FRMD4A: variants seen among roughly 807,000 people sequenced by gnomAD.
FRMD4A encodes FERM domain-containing protein 4A.
In FRMD4A, 29 loss-of-function variants were observed where a neutral mutation model predicts 129.1. The observed-to-expected ratio is 0.22, with a 90% CI of 0.17 to 0.31. The LOEUF (loss-of-function observed/expected upper bound fraction) is 0.31, where lower values mean the gene tolerates loss of function less well. FRMD4A is among the 10% of genes least tolerant of loss of function. The pLI is 1.00. For synonymous variants in FRMD4A, 634 were observed against 571.6 expected (o/e 1.11, Z -1.56); for missense variants, 1,272 against 1,375.8 (o/e 0.92, Z 1.19).
At chr10:14,293,848 A>G (rs1269677174) in intron 2 of FRMD4A, among the ~76,000 whole-genome samples, 11 of 152,272 alleles carry the variant, frequency 7.2e-5, no homozygotes, top group Admixed American at 1.3e-4. Context: ...ATGTTTATCA[A>G]CGGTAGACTG....
intron 2 of FRMD4A, among the ~76,000 whole-genome samples, chr10:13,873,425 C>T (rs1413432348): frequency 6.6e-6 from 1 of 152,126 alleles, no homozygotes; most frequent in Admixed American, 6.5e-5. Flanking sequence ...CTGGAGAACT[C>T]GCAAAGGAGA....
chr10:13,808,140 G>T (rs1174875633), intron 4 of FRMD4A, among the ~76,000 whole-genome samples: 1 of 152,176 alleles, frequency 6.6e-6, no homozygotes, highest in Non-Finnish European at 1.5e-5. Context: ...CATGCTGCTG[G>T]TAAGAGTATC....
intron 2 of FRMD4A, among the ~76,000 whole-genome samples, chr10:14,226,823 T>C (rs180765410): frequency 6.6e-6 from 1 of 152,270 alleles, no homozygotes; most frequent in East Asian, 1.9e-4. Flanking sequence ...CATCATTCCT[T>C]CTTGCCTGTC....
chr10:13,849,200 C>G (rs1158487326), intron 3 of FRMD4A, among the ~76,000 whole-genome samples: 4 of 152,194 alleles, frequency 2.6e-5, no homozygotes, highest in African/African-American at 9.6e-5. Context: ...AGGTCCCGGA[C>G]AGAAGGTTCA....
At chr10:14,016,868 C>A (rs925737665) in intron 2 of FRMD4A, among the ~76,000 whole-genome samples, 3 of 152,202 alleles carry the variant, frequency 2.0e-5, no homozygotes, top group African/African-American at 7.2e-5. Context: ...GAAGATTTGT[C>A]GGTATCTGTG....
intron 13 of FRMD4A, among the ~76,000 whole-genome samples, chr10:13,703,040 A>C (rs532481008): frequency 1.3e-5 from 2 of 152,142 alleles, no homozygotes; most frequent in East Asian, 3.9e-4. Flanking sequence ...GAAAACAGGG[A>C]TCTGTGCTCC....
At chr10:14,089,637 AAAC>A (rs1354313660) in intron 2 of FRMD4A, among the ~76,000 whole-genome samples, 5 of 129,928 alleles carry the variant, frequency 3.8e-5, no homozygotes, top group East Asian at 3.0e-4. Context: ...AAACAAAAAA[AAAC>A]AAACAAAAAA....
At chr10:14,071,533 A>G (rs1269988138) in intron 2 of FRMD4A, among the ~76,000 whole-genome samples, 1 of 152,226 alleles carries the variant, frequency 6.6e-6, no homozygotes, top group African/African-American at 2.4e-5. Flanking sequence ...AAAACATTTT[A>G]TATAAAGAAA....
intron 2 of FRMD4A, among the ~76,000 whole-genome samples, chr10:13,882,742 A>T (rs976001040): frequency 6.6e-6 from 1 of 152,000 alleles, no homozygotes; most frequent in African/African-American, 2.4e-5. Flanking sequence ...CTACAAATGA[A>T]CACTGGTGTA....
chr10:13,894,898 C>T lies in FRMD4A; in HGVS notation c.46-35986G>A, dbSNP rs560330659. 2.6e-5 allele frequency among the ~76,000 whole-genome samples: 4 copies of T among 152,334 alleles called. No individual in the cohort carries two copies. The East Asian group carries it at 7.7e-4, about 29-fold the overall frequency. ...CCTGGGCTTGAATCTTGCCTGGCCA[C>T]CCACTAGCTGTGCAAGCTTAGGCAA... On this transcript the variant is annotated intron_variant, in intron 2 of 24. Transcript: ENST00000357447.
At chr10:14,192,624 T>G (rs1842352550) in intron 2 of FRMD4A, among the ~76,000 whole-genome samples, 1 of 152,190 alleles carries the variant, frequency 6.6e-6, no homozygotes, top group South Asian at 2.1e-4. Context: ...TATTTTCATC[T>G]CCTCCTTAAA....
chr10:13,712,509 A>C (rs1198640060), intron 12 of FRMD4A, among the ~76,000 whole-genome samples: 1 of 151,016 alleles, frequency 6.6e-6, no homozygotes, highest in East Asian at 1.9e-4. Context: ...GTGAGACTCC[A>C]TTTCAAAAAA....
intron 2 of FRMD4A, among the ~76,000 whole-genome samples, chr10:14,241,947 A>G (rs1844063821): frequency 6.6e-6 from 1 of 152,034 alleles, no homozygotes; most frequent in Non-Finnish European, 1.5e-5. Context: ...ATCACCACCA[A>G]GCTGCTTTGC....
At position 14,166,945 on chromosome 10, in the gene FRMD4A, C is replaced by T. The variant is rs148491131; in HGVS notation, c.45+163113G>A. On this transcript the variant is annotated intron_variant, in intron 2 of 24. Transcript: ENST00000357447. The stretch of plus-strand genomic sequence containing the variant: ...GAAGGCCCTATATTTCTGTACCATG[C>T]TATGTACTAGGCTTAAAAGGATGAA... 1.6e-3 allele frequency among the ~76,000 whole-genome samples: 246 copies of T among 152,266 alleles called. 1 individual carries two copies. Among genetic ancestry groups the T allele is most frequent in the African/African-American group, 5.2e-3 (218 of 41,558 alleles).
intron 2 of FRMD4A, among the ~76,000 whole-genome samples, chr10:13,928,610 T>C (rs1241350532): frequency 6.6e-6 from 1 of 152,196 alleles, no homozygotes; most frequent in Non-Finnish European, 1.5e-5. Context: ...CAGTGATAAA[T>C]GGAGATCATA....
chr10:13,703,047 C>T (rs2087020421), intron 13 of FRMD4A, among the ~76,000 whole-genome samples: 1 of 152,144 alleles, frequency 6.6e-6, no homozygotes, highest in Non-Finnish European at 1.5e-5. Flanking sequence ...GGGATCTGTG[C>T]TCCCAGCTTG....
chr10:14,309,970 A>G (rs7071346), intron 2 of FRMD4A, among the ~76,000 whole-genome samples: 131 of 141,438 alleles, frequency 9.3e-4, no homozygotes, highest in African/African-American at 3.4e-3. Flanking sequence ...AACCCCCAGC[A>G]AGACTGGCCG....
intron 2 of FRMD4A, among the ~76,000 whole-genome samples, chr10:13,998,409 C>T (rs1408200244): frequency 6.6e-6 from 1 of 152,214 alleles, no homozygotes; most frequent in African/African-American, 2.4e-5. Flanking sequence ...AAGCCAGCTC[C>T]AGTGAACCCC....
At chr10:14,077,486 G>A (rs907917491) in intron 2 of FRMD4A, among the ~76,000 whole-genome samples, 3 of 152,152 alleles carry the variant, frequency 2.0e-5, no homozygotes, top group East Asian at 1.9e-4. Flanking sequence ...AAAGTGTGCT[G>A]TGCAAAGTCT....
Sources: allele counts gnomAD v4.1 joint callset (sites outside exome capture counted in the v4.1 genomes callset), GRCh38; gene constraint gnomAD v4.1.1; transcripts MANE v1.5; gene names NCBI Gene and HGNC (gene_info 2026-07-23, HGNC 2026-07-21).